P2RX5: variants seen among roughly 807,000 people sequenced by gnomAD.
P2RX5 encodes P2X purinoceptor 5.
Under a neutral mutation model 54.1 loss-of-function variants are expected in P2RX5, and 46 were observed. The observed-to-expected ratio is 0.85, with a 90% confidence interval of 0.67 to 1.09. The LOEUF (loss-of-function observed/expected upper bound fraction) is 1.09, where lower values mean the gene tolerates loss of function less well. Among genes scored for constraint, P2RX5 ranks in the 50% least tolerant of loss-of-function variants. The probability of loss-of-function intolerance (pLI) is 0.00; values close to 1 mark genes in which losing one functional copy is unlikely to be tolerated. For synonymous variants in P2RX5, 226 were observed against 226.4 expected (o/e 1.00, Z 0.02); for missense variants, 566 against 549.8 (o/e 1.03, Z -0.29).
chr17:3,685,262 A>G (rs2050408675), intron 9 of P2RX5, among the ~76,000 whole-genome samples: 1 of 152,162 alleles, frequency 6.6e-6, no homozygotes, highest in South Asian at 2.1e-4. Flanking sequence ...AAACCCATGC[A>G]CAGCTGCAGA....
chr17:3,684,107 C>T (rs2050364094), intron 9 of P2RX5, among the ~76,000 whole-genome samples: 1 of 152,056 alleles, frequency 6.6e-6, no homozygotes, highest in African/African-American at 2.4e-5. Context: ...CTTTCCCTGC[C>T]CTCAGTCCCT....
intron 11 of P2RX5, chr17:3,675,415 C>T (rs1191017562): frequency 3.0e-6 from 3 of 985,366 alleles, no homozygotes; most frequent in South Asian, 9.4e-5. Flanking sequence ...CCAGCCATTT[C>T]GAAGTCTGGT....
intron 3 of P2RX5, 34 bp downstream of exon 3, chr17:3,690,922 C>T (rs749812715): frequency 6.3e-7 from 1 of 1,587,842 alleles, no homozygotes; most frequent in Non-Finnish European, 8.6e-7. Context: ...GTGGCTCTCC[C>T]ACCCCCACGC....
In P2RX5 at chr17:3,690,606, G is replaced by C; in HGVS notation, c.435C>G (p.Asn145Lys). The C allele has an allele frequency of 6.2e-7, 1 of 1,613,554 alleles. No homozygotes were observed. Among genetic ancestry groups the C allele is most frequent in the Non-Finnish European group, 8.5e-7 (1 of 1,179,992 alleles). The change falls in exon 4 of 12, where the codon AAC becomes AAG. Residue 145 changes from asparagine (N) to lysine (K), a missense_variant and splice_region_variant. By Grantham distance (94) the Asn-to-Lys change is moderately conservative. Coordinates refer to ENST00000225328, the MANE Select transcript of P2RX5 (RefSeq NM_002561.4). The stretch of plus-strand genomic sequence containing the variant: ...CCCGTGGCCGCTCCAGGCCCTCACC[G>C]TTTCCAGCTGTAACCGCTTCCCCAG... Reference protein sequence around the residue: ...CHAGEAVTAGNGVKTGRCLRR... With the variant: ...CHAGEAVTAGKGVKTGRCLRR...
upstream of P2RX5, among the ~76,000 whole-genome samples, chr17:3,699,095 C>CCCACACATATA (rs60173844): frequency 1.0e-5 from 1 of 100,192 alleles, no homozygotes; most frequent in African/African-American, 4.3e-5. Flanking sequence ...ACACACACAC[C>CCCACACATATA]TATATATATA....
intron 10 of P2RX5, among the ~76,000 whole-genome samples, chr17:3,680,354 AGTGTCCTCCACCCT>A (rs2050225707): frequency 5.7e-5 from 1 of 17,620 alleles, no homozygotes; most frequent in African/African-American, 2.3e-4. Context: ...TCCTCCACCC[AGTGTCCTCCACCCT>A]GCGTCCTCCA....
intron 1 of P2RX5, among the ~76,000 whole-genome samples, chr17:3,695,544 C>T (rs568446933): frequency 2.6e-4 from 40 of 152,300 alleles, no homozygotes; most frequent in Admixed American, 2.3e-3. Context: ...CATCCCTGCC[C>T]CCTTCCCATG....
At chr17:3,701,763 T>TTG in the P2RX5 span, among the ~76,000 whole-genome samples, 49 of 117,376 alleles carry the variant, frequency 4.2e-4, no homozygotes, top group South Asian at 2.5e-3. Context: ...TTTTTTTTGT[T>TTG]TTTTTTTTTT....
rs765692454 is a variant in P2RX5, at chr17:3,691,602, G to T, written c.288+42C>A. 4.3e-6 allele frequency: 7 copies of T among 1,613,412 alleles called. No individual in the cohort carries two copies. In the South Asian group the frequency reaches 6.6e-5, roughly 15 times the overall value. ...CCGTGTGACCCACCCGAACCAGGCA[G>T]TCCCTGCCAGCCTTGGCCGTGTGCT... is the stretch of plus-strand genomic sequence containing the variant. On this transcript the variant is annotated intron_variant, in intron 2 of 11. Transcript: ENST00000225328.
the P2RX5 span, among the ~76,000 whole-genome samples, chr17:3,704,946 C>T: frequency 2.6e-5 from 4 of 152,216 alleles, no homozygotes; most frequent in East Asian, 3.9e-4. Flanking sequence ...ACAGAGGTTG[C>T]GGTGAGCGGA....
chr17:3,717,972 TC>T, the P2RX5 span: 2 of 152,156 alleles, frequency 1.3e-5, no homozygotes, highest in South Asian at 4.1e-4. Context: ...AGAAGAAATG[TC>T]CCTATTTCTC....
chr17:3,716,805 AAGAC>A, the P2RX5 span: 3 of 1,469,876 alleles, frequency 2.0e-6, no homozygotes, highest in Admixed American at 3.5e-5. Flanking sequence ...TGATCTAGAC[AAGAC>A]AAAGAGATCG....
rs747766499 is a variant in P2RX5, at chr17:3,689,470, TCCCTGCGTGCACCCCACCCACC to T, written c.753_753+21del. 1.9e-6 allele frequency: 3 copies of T among 1,613,204 alleles called. No individual in the cohort carries two copies. The highest frequency in any genetic ancestry group is 2.5e-6 in the Non-Finnish European group (3 of 1,179,580). ...GTGCCCCCAGGCCCTCAGGGAGGGC[TCCCTGCGTGCACCCCACCCACC>T]TCCAGGGCTATATCCTGGAAGTCGC... On this transcript the variant is annotated splice_donor_variant and splice_donor_5th_base_variant and coding_sequence_variant and intron_variant, in exon 7 of 12. Transcript: ENST00000225328. LOFTEE classifies it high-confidence loss of function.
the P2RX5 span, chr17:3,720,212 GA>G: frequency 3.0e-6 from 2 of 664,696 alleles, no homozygotes; most frequent in Non-Finnish European, 2.8e-6. Flanking sequence ...TGTTAAGGCT[GA>G]AAACAGGAAG....
At chr17:3,674,021 G>A in intron 11 of P2RX5, 144 bp from the exon 12 acceptor site, 1 of 874,218 alleles carries the variant, frequency 1.1e-6, no homozygotes, top group South Asian at 1.4e-5. Flanking sequence ...TTAAAAGCCA[G>A]TTTCCGGCCA....
At chr17:3,695,655 A>C (rs2143002294) in intron 1 of P2RX5, among the ~76,000 whole-genome samples, 1 of 152,222 alleles carries the variant, frequency 6.6e-6, no homozygotes, top group East Asian at 1.9e-4. Context: ...CATCACCTCT[A>C]GCGCCAGTGG....
the P2RX5 span, among the ~76,000 whole-genome samples, chr17:3,706,845 G>T: frequency 6.6e-6 from 1 of 152,000 alleles, no homozygotes; most frequent in Non-Finnish European, 1.5e-5. Context: ...CTCCTGACCT[G>T]GTGATCCGCC....
chr17:3,677,371 G>A (rs2050129016), intron 11 of P2RX5: 1 of 985,234 alleles, frequency 1.0e-6, no homozygotes, highest in Non-Finnish European at 1.2e-6. Context: ...AGATGGAGCA[G>A]AGGCCTCTTG....
rs550675023 is a variant in P2RX5, at chr17:3,694,902, G to C, written c.137+967C>G. The stretch of plus-strand genomic sequence containing the variant: ...GTTACTGGAAAGCCCAGATCTGGGG[G>C]CTGAGTGGATGCTAAGGGAGTGGAG... On this transcript the variant is annotated intron_variant, in intron 1 of 11. Transcript: ENST00000225328. Among the ~76,000 whole-genome samples the C allele has an allele frequency of 1.5e-3, 228 of 152,326 alleles. 2 individuals are homozygous for C. The highest frequency in any genetic ancestry group is 2.5e-3 in the Non-Finnish European group (167 of 68,026).
Sources: allele counts gnomAD v4.1 joint callset (sites outside exome capture counted in the v4.1 genomes callset), GRCh38; gene constraint gnomAD v4.1.1; transcripts MANE v1.5; gene names NCBI Gene and HGNC (gene_info 2026-07-23, HGNC 2026-07-21).